C9orf153: variants seen among roughly 807,000 people sequenced by gnomAD.
C9orf153 encodes the protein chromosome 9 open reading frame 153, also known as uncharacterized protein C9orf153.
Under a neutral mutation model 9.0 loss-of-function variants are expected in C9orf153, and 10 were observed. The ratio of observed to expected loss-of-function variants is 1.11; its 90% CI spans 0.69 to 1.89. The LOEUF (loss-of-function observed/expected upper bound fraction) is 1.89. Among genes scored for constraint, C9orf153 ranks in the 40% most tolerant of loss-of-function variants. C9orf153 has a pLI of 0.00. For missense variants in C9orf153, 108 were observed against 111.0 expected (o/e 0.97, Z 0.12); for synonymous variants, 35 against 37.3 (o/e 0.94, Z 0.23).
At chr9:86,247,761 G>C (rs1824901789) in intron 1 of C9orf153, among the ~76,000 whole-genome samples, 1 of 152,178 alleles carries the variant, frequency 6.6e-6, no homozygotes, top group African/African-American at 2.4e-5. Context: ...CTTGTTTCAT[G>C]GTGCAAAATT....
rs1269749320 is a variant in C9orf153 at position 86,220,828 on chromosome 9, T to G, written c.*860A>C. 1.3e-5 allele frequency: 2 copies of G among 152,204 alleles called. No homozygotes were observed. The highest frequency in any genetic ancestry group is 4.8e-5 in the African/African-American group (2 of 41,464). 9.4% of individuals were successfully genotyped at this position (152,204 alleles called of 1,614,324 possible). ...CTGCTAATTCCATCGTATACATTTC[T>G]GAACTTCTCATTCTACCGTCCAATA... is the stretch of plus-strand genomic sequence containing the variant. On this transcript the variant is annotated 3_prime_UTR_variant, in exon 4 of 4. Coordinates refer to ENST00000339137, the MANE Select transcript of C9orf153 (RefSeq NM_001276366.4).
At chr9:86,226,265 T>C (rs1824329414) in intron 3 of C9orf153, among the ~76,000 whole-genome samples, 1 of 152,194 alleles carries the variant, frequency 6.6e-6, no homozygotes, top group Non-Finnish European at 1.5e-5. Flanking sequence ...TTGGACCAAA[T>C]ATACTCACAG....
chr9:86,247,464 T>C (rs1344279192), intron 1 of C9orf153, among the ~76,000 whole-genome samples: 1 of 152,152 alleles, frequency 6.6e-6, no homozygotes, highest in Non-Finnish European at 1.5e-5. Flanking sequence ...GGTGGATTGC[T>C]TGAGCCCCAG....
intron 1 of C9orf153, among the ~76,000 whole-genome samples, chr9:86,257,968 A>G (rs1447148912): frequency 1.3e-5 from 2 of 152,222 alleles, no homozygotes; most frequent in Non-Finnish European, 2.9e-5. Context: ...TTGAGCAGAT[A>G]TTAGATGCGG....
chr9:86,241,643 TG>T (rs1329361669), intron 1 of C9orf153, among the ~76,000 whole-genome samples: 1 of 152,086 alleles, frequency 6.6e-6, no homozygotes, highest in Non-Finnish European at 1.5e-5. Context: ...TTTTTTTTTC[TG>T]GAGATGGAGT....
At chr9:86,228,868 G>A (rs995805679) in intron 2 of C9orf153, 1 of 217,434 alleles carries the variant, frequency 4.6e-6, no homozygotes, top group Non-Finnish European at 9.9e-6. Flanking sequence ...AGAATGTCAA[G>A]AGTCTGCGGC....
At chr9:86,245,333 C>T (rs772611870) in intron 1 of C9orf153, among the ~76,000 whole-genome samples, 4 of 152,164 alleles carry the variant, frequency 2.6e-5, no homozygotes, top group Non-Finnish European at 2.9e-5. Context: ...TAACTGCATG[C>T]GCATCATTGT....
At chr9:86,227,172 G>A in intron 3 of C9orf153, 2 of 537,208 alleles carry the variant, frequency 3.7e-6, no homozygotes, top group Non-Finnish European at 5.4e-6. Flanking sequence ...TTAGAGACAG[G>A]GTCTTGCTCT....
intron 1 of C9orf153, among the ~76,000 whole-genome samples, chr9:86,244,199 G>A (rs562245693): frequency 1.6e-4 from 25 of 152,230 alleles, no homozygotes; most frequent in African/African-American, 4.1e-4. Context: ...AAAATATAGC[G>A]TTAAAATTAA....
At chr9:86,238,640 T>C (rs1824658240) in intron 1 of C9orf153, among the ~76,000 whole-genome samples, 1 of 152,224 alleles carries the variant, frequency 6.6e-6, no homozygotes, top group Non-Finnish European at 1.5e-5. Flanking sequence ...GTGGAACTTT[T>C]ACTTTCCTTG....
intron 1 of C9orf153, among the ~76,000 whole-genome samples, chr9:86,256,590 C>A (rs1487390150): frequency 2.0e-5 from 3 of 152,172 alleles, no homozygotes; most frequent in Non-Finnish European, 4.4e-5. Flanking sequence ...TGAAGTGTGA[C>A]TACAACTGTT....
At chr9:86,229,653 G>T (rs1348893777) in intron 1 of C9orf153, 24 bp from the exon 2 acceptor site, 2 of 1,353,858 alleles carry the variant, frequency 1.5e-6, no homozygotes, top group South Asian at 1.2e-5. Context: ...TATGAGAAAA[G>T]ACAAAAATCA....
intron 1 of C9orf153, among the ~76,000 whole-genome samples, chr9:86,256,810 T>A (rs893872853): frequency 2.0e-5 from 3 of 152,160 alleles, no homozygotes; most frequent in African/African-American, 7.2e-5. Flanking sequence ...CTCACCCATA[T>A]CTTCATTTTT....
intron 1 of C9orf153, among the ~76,000 whole-genome samples, chr9:86,235,803 G>A (rs891907513): frequency 1.4e-5 from 2 of 142,162 alleles, no homozygotes; most frequent in East Asian, 4.2e-4. Flanking sequence ...AAAATAAATG[G>A]TAACAGAATA....
chr9:86,245,073 C>T (rs890542064), intron 1 of C9orf153, among the ~76,000 whole-genome samples: 1 of 152,056 alleles, frequency 6.6e-6, no homozygotes, highest in Non-Finnish European at 1.5e-5. Flanking sequence ...ATTACAGGCA[C>T]CTGCCACCAC....
chr9:86,256,376 G>T (rs1825123663), intron 1 of C9orf153, among the ~76,000 whole-genome samples: 1 of 152,238 alleles, frequency 6.6e-6, no homozygotes, highest in Admixed American at 6.5e-5. Flanking sequence ...CAATGATAAA[G>T]ATTGCAGACT....
intron 1 of C9orf153, among the ~76,000 whole-genome samples, chr9:86,253,433 C>T (rs1212522218): frequency 2.0e-5 from 3 of 152,300 alleles, no homozygotes; most frequent in East Asian, 1.9e-4. Context: ...CCAAATCATA[C>T]AGGTATTACA....
intron 1 of C9orf153, among the ~76,000 whole-genome samples, chr9:86,242,261 G>A (rs901278085): frequency 3.9e-5 from 6 of 152,010 alleles, no homozygotes; most frequent in African/African-American, 1.2e-4. Context: ...AGGGAGAGAG[G>A]AGGGGAAAGT....
At chr9:86,225,521 C>T (rs866094350) in intron 3 of C9orf153, among the ~76,000 whole-genome samples, 3 of 151,850 alleles carry the variant, frequency 2.0e-5, no homozygotes, top group Admixed American at 2.0e-4. Context: ...TGTAGTGGCG[C>T]GATCTTGGCT....
Sources: gnomAD v4.1 joint callset for allele counts (sites outside exome capture counted in the v4.1 genomes callset) on GRCh38, gnomAD v4.1.1 for gene constraint, MANE v1.5 for transcripts, NCBI Gene and HGNC (gene_info 2026-07-23, HGNC 2026-07-21) for gene names.